Variants in RELCH observed in about 807,000 individuals in gnomAD.
The protein encoded by RELCH is RAB11-binding protein RELCH.
In RELCH, 41 loss-of-function variants were observed where a neutral mutation model predicts 150.3. The observed-to-expected ratio is 0.27, with a 90% CI of 0.21 to 0.35. The LOEUF is 0.35. RELCH is among the 10% of genes least tolerant of loss of function. RELCH has a pLI of 1.00. For missense variants in RELCH, 1,092 were observed against 1,467.8 expected (o/e 0.74, Z 4.18); for synonymous variants, 478 against 531.8 (o/e 0.90, Z 1.39).
intron 9 of RELCH, 151 bp from the exon 10 acceptor site, chr18:62,232,181 T>G: frequency 2.2e-6 from 1 of 444,854 alleles, no homozygotes. Context: ...GCTGCTGCTG[T>G]TGTTGTTGTT....
intron 5 of RELCH, among the ~76,000 whole-genome samples, chr18:62,223,076 A>G (rs1010017546): frequency 6.6e-6 from 1 of 152,056 alleles, no homozygotes; most frequent in African/African-American, 2.4e-5. Context: ...AGAAACTAAA[A>G]AAAGAAAACC....
At chr18:62,279,745 T>G in intron 22 of RELCH, 29 bp from the exon 23 acceptor site, 11 of 1,444,958 alleles carry the variant, frequency 7.6e-6, no homozygotes, top group Non-Finnish European at 1.0e-5. Context: ...GTGCATCACC[T>G]GTGAATACCC....
intron 18 of RELCH, among the ~76,000 whole-genome samples, chr18:62,266,327 A>T (rs558155568): frequency 6.6e-6 from 1 of 151,964 alleles, no homozygotes; most frequent in Admixed American, 6.6e-5. Context: ...GCTTTTTTCG[A>T]TAATTCTAAC....
intron 10 of RELCH, among the ~76,000 whole-genome samples, chr18:62,240,404 T>A (rs958596060): frequency 7.6e-4 from 115 of 151,162 alleles, no homozygotes; most frequent in African/African-American, 2.2e-3. Flanking sequence ...TTTCTTTTTT[T>A]TTTCTTTTTC....
At chr18:62,193,569 A>C (rs1039005362) in intron 1 of RELCH, among the ~76,000 whole-genome samples, 6 of 152,192 alleles carry the variant, frequency 3.9e-5, no homozygotes, top group African/African-American at 1.4e-4. Flanking sequence ...AGTTTTTAAC[A>C]TAAAGGAATG....
At chr18:62,287,082 G>A (rs1343553999) in intron 25 of RELCH, among the ~76,000 whole-genome samples, 1 of 152,062 alleles carries the variant, frequency 6.6e-6, no homozygotes, top group African/African-American at 2.4e-5. Context: ...TTACAGTGAG[G>A]CCAAATAATC....
rs187729068 is a variant in RELCH at position 62,218,381 on chromosome 18, G to A, written c.617-2656G>A. 4.0e-5 allele frequency among the ~76,000 whole-genome samples: 6 copies of A among 151,888 alleles called. No homozygotes were observed. In the East Asian group the frequency reaches 1.2e-3, roughly 29 times the overall value. On this transcript the variant is annotated intron_variant, in intron 2 of 28. Transcript: ENST00000644646. ...AAAATACAGCAATATTTTGAGTGTGGGCCAAAAAGAACTAAGTCTAGCAAG... is the reference window on the plus strand; with the variant it reads ...AAAATACAGCAATATTTTGAGTGTGAGCCAAAAAGAACTAAGTCTAGCAAG...
At chr18:62,188,125 T>A in intron 1 of RELCH, 94 bp downstream of exon 1, 1 of 1,354,926 alleles carries the variant, frequency 7.4e-7, no homozygotes. Flanking sequence ...TGGGTCCCGA[T>A]AGGGACATTT....
At chr18:62,210,629 T>C (rs11665103) in intron 1 of RELCH, among the ~76,000 whole-genome samples, 42,257 of 152,168 alleles carry the variant, frequency 0.28, 7,129 homozygotes, top group East Asian at 0.59. Context: ...CTGAGCATAG[T>C]TATACTAGCT....
At chr18:62,304,435 C>T (rs1415428968) in intron 28 of RELCH, among the ~76,000 whole-genome samples, 1 of 152,162 alleles carries the variant, frequency 6.6e-6, no homozygotes, top group Admixed American at 6.5e-5. Context: ...CAGGTGTGCT[C>T]CGTGGCAGCA....
intron 1 of RELCH, among the ~76,000 whole-genome samples, chr18:62,203,749 G>A (rs748261416): frequency 2.5e-4 from 38 of 152,080 alleles, no homozygotes; most frequent in Admixed American, 5.2e-4. Context: ...GGGAAGCCAA[G>A]GCAGGAGGAC....
intron 1 of RELCH, among the ~76,000 whole-genome samples, chr18:62,190,492 G>A (rs112775566): frequency 6.6e-6 from 1 of 152,128 alleles, no homozygotes; most frequent in South Asian, 2.1e-4. Flanking sequence ...CAGGAGAATT[G>A]CTTGAACCCA....
In RELCH at chr18:62,187,689, G is replaced by A. The variant is rs2038216125; in HGVS notation, c.184G>A (p.Ala62Thr). 2 of 1,588,558 alleles carry A rather than the reference G, an allele frequency of 1.3e-6. No homozygotes were observed. The highest frequency in any genetic ancestry group is 1.7e-6 in the Non-Finnish European group (2 of 1,163,922). ...AGSLSPQDPV[A>T]LGSSARPGLP... ...CTCGCTGTCGCCACAGGATCCCGTG[G>A]CCTTAGGAAGCAGTGCGCGGCCAGG... The change falls in exon 1 of 29, where the codon GCC becomes ACC. Residue 62 changes from alanine (A) to threonine (T), a missense_variant. Physicochemically the swap from Ala to Thr is moderately conservative, Grantham distance 58. This residue lies in a region of RELCH where 138 missense variants were observed against 124.8 expected (regional missense o/e 1.11). Coordinates refer to ENST00000644646, the MANE Select transcript of RELCH (RefSeq NM_001346231.2).
intron 10 of RELCH, among the ~76,000 whole-genome samples, chr18:62,242,410 C>T (rs757770609): frequency 1.3e-5 from 2 of 152,160 alleles, no homozygotes; most frequent in Admixed American, 6.6e-5. Context: ...TGTGTTGAAA[C>T]GGCTTTTTTA....
At chr18:62,227,095 A>T (rs1310385247) in intron 5 of RELCH, among the ~76,000 whole-genome samples, 194 bp from the exon 6 acceptor site, 1 of 151,462 alleles carries the variant, frequency 6.6e-6, no homozygotes, top group African/African-American at 2.4e-5. Context: ...TGGGAGGCTG[A>T]GGTGGGAGGC....
intron 1 of RELCH, among the ~76,000 whole-genome samples, chr18:62,205,663 T>C (rs1443534996): frequency 6.6e-6 from 1 of 152,232 alleles, no homozygotes; most frequent in Non-Finnish European, 1.5e-5. Context: ...TGAAAGAAAC[T>C]ATGTTATAAT....
intron 9 of RELCH, among the ~76,000 whole-genome samples, chr18:62,231,740 T>G (rs972083467): frequency 6.6e-6 from 1 of 151,984 alleles, no homozygotes; most frequent in Non-Finnish European, 1.5e-5. Context: ...ATTATTACTG[T>G]TTTTTCTTAC....
intron 16 of RELCH, among the ~76,000 whole-genome samples, chr18:62,263,479 A>G (rs945840962): frequency 6.6e-6 from 1 of 152,152 alleles, no homozygotes; most frequent in South Asian, 2.1e-4. Flanking sequence ...CATTTAGGTT[A>G]TAATGTATTT....
chr18:62,258,593 T>TA lies in RELCH; in HGVS notation c.2120dup (p.Tyr707Ter). The TA allele has an allele frequency of 6.2e-7, 1 of 1,605,612 alleles. No homozygotes were observed. The highest frequency in any genetic ancestry group is 8.5e-7 in the Non-Finnish European group (1 of 1,177,258). Reference sequence around the variant, plus strand: ...TACACATCAAGTATTTTTACCAGCTTACGCTGCGTGGACTACAGAACTTGG... The same window carrying TA: ...TACACATCAAGTATTTTTACCAGCTTAACGCTGCGTGGACTACAGAACTTGG... ...SATHQVFLPAYAAWTTELGNL... is the reference protein window; with the variant it reads ...SATHQVFLPA The change falls in exon 15 of 29, where the codon TAC becomes TAAC. Residue 707 changes from tyrosine to a stop codon, truncating the protein, a stop_gained and frameshift_variant. Coordinates refer to ENST00000644646, the MANE Select transcript of RELCH (RefSeq NM_001346231.2). LOFTEE classifies it high-confidence loss of function.
Sources: allele counts gnomAD v4.1 joint callset (sites outside exome capture counted in the v4.1 genomes callset), GRCh38; gene constraint gnomAD v4.1.1; regional missense constraint gnomAD v4.1.1; transcripts MANE v1.5; gene names NCBI Gene and HGNC (gene_info 2026-07-23, HGNC 2026-07-21).